The following PCLO variants were observed in gnomAD, a reference collection of about 807,000 sequenced individuals.
PCLO encodes protein piccolo.
In PCLO, 82 loss-of-function variants were observed where a neutral mutation model predicts 427.5. The observed-to-expected ratio is 0.19, with a 90% CI of 0.16 to 0.23. PCLO has a LOEUF of 0.23. PCLO is among the 10% of genes least tolerant of loss of function. The pLI is 1.00. For synonymous variants in PCLO, 2,357 were observed against 2,155.4 expected, an observed-to-expected ratio of 1.09 and a Z score of -2.59; for missense variants, 6,239 against 6,115.9, an observed-to-expected ratio of 1.02 and a Z score of -0.67.
At chr7:82,967,402 C>A (rs535151649) in intron 3 of PCLO, among the ~76,000 whole-genome samples, 1 of 151,680 alleles carries the variant, frequency 6.6e-6, no homozygotes, top group African/African-American at 2.4e-5. Flanking sequence ...CTTGAACTCC[C>A]GACCTCAGGT....
In PCLO at chr7:82,915,873, A is replaced by G. The variant is rs773850163; in HGVS notation, c.12113T>C (p.Ile4038Thr). The part of the protein sequence containing the change: ...SISADSFYAD[I>T]DHHTPRNYVL... ...ATAATTTCGTGGAGTATGGTGATCA[A>G]TATCTGCATAGAAAGAATCTGCAGA... Residue 4038 changes from isoleucine (I) to threonine (T), a missense_variant, in exon 7 of 25, where the codon ATT becomes ACT. Ile to Thr is a moderately conservative substitution (Grantham distance 89). Coordinates refer to ENST00000333891, the MANE Select transcript of PCLO (RefSeq NM_033026.6). 6 of 1,613,620 alleles carry G rather than the reference A, an allele frequency of 3.7e-6. No homozygotes were observed. Among genetic ancestry groups the G allele is most frequent in the South Asian group, 1.1e-5 (1 of 91,086 alleles).
Position 82,760,634 on chromosome 7 carries a change from G to C in PCLO, c.15288+5C>G. 6.4e-7 allele frequency: 1 copy of C among 1,574,048 alleles called. No individual in the cohort carries two copies. The highest frequency in any genetic ancestry group is 8.6e-7 in the Non-Finnish European group (1 of 1,161,976). On this transcript the variant is annotated splice_donor_5th_base_variant and intron_variant, in intron 24 of 24. Coordinates refer to ENST00000333891, the MANE Select transcript of PCLO (RefSeq NM_033026.6). ...TCAAATATGAACTACATAATACAGA[G>C]CTACCTGAAGAGAATGTCCTGCAGG...
chr7:82,853,920 G>T (rs1442000670), intron 10 of PCLO, among the ~76,000 whole-genome samples: 1 of 152,044 alleles, frequency 6.6e-6, no homozygotes, highest in East Asian at 1.9e-4. Flanking sequence ...CAAAACAGCT[G>T]CTTGTTTACA....
In PCLO at chr7:83,135,530, T is replaced by G. The variant is rs372535584; in HGVS notation, c.2020A>C (p.Lys674Gln). 2.5e-6 allele frequency: 4 copies of G among 1,613,804 alleles called. No homozygotes were observed. Among genetic ancestry groups the G allele is most frequent in the South Asian group, 1.1e-5 (1 of 91,070 alleles). The change falls in exon 3 of 25, where the codon AAA becomes CAA. Residue 674 changes from lysine (K) to glutamine (Q), a missense_variant. Transcript: ENST00000333891. ...GTCTGCTGTGGCTGTGGGGATGATT[T>G]GCTCACTGCTGATGTAGTGGTAACA... is the stretch of plus-strand genomic sequence containing the variant. ...APVTTTSAVS[K>Q]SSPQPQQTSP...
At chr7:83,139,131 T>C (rs578051569) in intron 2 of PCLO, among the ~76,000 whole-genome samples, 1 of 152,170 alleles carries the variant, frequency 6.6e-6, no homozygotes, top group South Asian at 2.1e-4. Context: ...CTTGATTAAA[T>C]AAAAATTTTA....
chr7:82,783,622 A>C (rs963621224), intron 22 of PCLO, among the ~76,000 whole-genome samples: 1 of 152,114 alleles, frequency 6.6e-6, no homozygotes, highest in Non-Finnish European at 1.5e-5. Flanking sequence ...ACTCGGTCTC[A>C]AAACCAACCA....
chr7:82,888,192 G>A (rs927042731), intron 9 of PCLO, among the ~76,000 whole-genome samples: 5 of 152,074 alleles, frequency 3.3e-5, no homozygotes, highest in African/African-American at 7.2e-5. Flanking sequence ...CCACTTGTAG[G>A]ATCTGTTTTG....
Position 82,916,467 on chromosome 7 carries a change from C to T in PCLO, c.11519G>A (p.Ser3840Asn). 6.2e-7 allele frequency: 1 copy of T among 1,613,752 alleles called. No individual in the cohort carries two copies. ...TTCTATTCGGGTTGGTCTTGTGCTA[C>T]TCACTTCACTGTCAGACATGTAATC... is the stretch of plus-strand genomic sequence containing the variant. ...DRDYMSDSEVSSTRPTRIESQ... is the reference protein window; with the variant it reads ...DRDYMSDSEVNSTRPTRIESQ... Residue 3840 changes from serine to asparagine, a missense_variant, in exon 7 of 25, where the codon AGT becomes AAT. Ser to Asn is a conservative substitution (Grantham distance 46, BLOSUM62 1). Transcript: ENST00000333891.
intron 2 of PCLO, among the ~76,000 whole-genome samples, chr7:83,149,558 T>C (rs1792078772): frequency 6.6e-6 from 1 of 152,192 alleles, no homozygotes; most frequent in Non-Finnish European, 1.5e-5. Context: ...AAAAAGTCTC[T>C]GTGCTAAAAA....
At chr7:83,080,606 T>C (rs1190954562) in intron 3 of PCLO, among the ~76,000 whole-genome samples, 1 of 152,162 alleles carries the variant, frequency 6.6e-6, no homozygotes, top group African/African-American at 2.4e-5. Context: ...CCCAATGTTG[T>C]GAACTCTAGC....
At chr7:82,774,407 A>G (rs376983404) in intron 22 of PCLO, among the ~76,000 whole-genome samples, 2 of 152,122 alleles carry the variant, frequency 1.3e-5, no homozygotes, top group Non-Finnish European at 2.9e-5. Context: ...TTCATTTTGC[A>G]CAAGTACCAG....
Position 82,916,783 on chromosome 7 carries a change from C to T in PCLO, c.11203G>A (p.Gly3735Arg). Reference protein sequence around the residue: ...PNPPPEEISTGTQSTFSTMGT... With the variant: ...PNPPPEEISTRTQSTFSTMGT... ...ATTGTGCTGAATGTGGATTGAGTTCCTGTGGAAATCTCCTCAGGAGGTGGA... is the reference window on the plus strand; with the variant it reads ...ATTGTGCTGAATGTGGATTGAGTTCTTGTGGAAATCTCCTCAGGAGGTGGA... Residue 3735 changes from glycine (G) to arginine (R), a missense_variant, in exon 7 of 25, where the codon GGA becomes AGA. Gly to Arg is a moderately radical substitution (Grantham distance 125). Transcript: ENST00000333891. The T allele has an allele frequency of 6.2e-7, 1 of 1,613,610 alleles. No individual in the cohort carries two copies. Among genetic ancestry groups the T allele is most frequent in the Non-Finnish European group, 8.5e-7 (1 of 1,179,688 alleles).
chr7:82,891,200 A>T (rs981983099), intron 9 of PCLO, among the ~76,000 whole-genome samples: 3 of 152,124 alleles, frequency 2.0e-5, no homozygotes, highest in Non-Finnish European at 4.4e-5. Context: ...TCCACTGATA[A>T]ATACAAGAAA....
intron 3 of PCLO, among the ~76,000 whole-genome samples, chr7:83,039,905 A>C (rs1788929465): frequency 6.6e-6 from 1 of 152,104 alleles, no homozygotes. Context: ...ATTTATTTTT[A>C]AGTATTTTGT....
chr7:83,006,140 A>C (rs1787940257), intron 3 of PCLO, among the ~76,000 whole-genome samples: 1 of 151,672 alleles, frequency 6.6e-6, no homozygotes, highest in South Asian at 2.1e-4. Context: ...AGCACCAGCA[A>C]CTTTTGATAG....
intron 3 of PCLO, among the ~76,000 whole-genome samples, chr7:82,973,508 G>A (rs953456393): frequency 1.3e-5 from 2 of 152,018 alleles, no homozygotes; most frequent in African/African-American, 4.8e-5. Flanking sequence ...CTGAATTGAA[G>A]AATATAAATA....
At chr7:83,143,426 C>T (rs1354155711) in intron 2 of PCLO, among the ~76,000 whole-genome samples, 1 of 152,132 alleles carries the variant, frequency 6.6e-6, no homozygotes, top group Non-Finnish European at 1.5e-5. Context: ...TAAAATAATA[C>T]ATCCAGAAAT....
chr7:82,880,491 G>T, intron 9 of PCLO: 1 of 289,594 alleles, frequency 3.5e-6, no homozygotes, highest in Non-Finnish European at 7.3e-6. Context: ...CAATCCTCCT[G>T]CCTCGGCCTC....
intron 3 of PCLO, among the ~76,000 whole-genome samples, chr7:83,021,332 G>A (rs2116058487): frequency 6.6e-6 from 1 of 152,242 alleles, no homozygotes; most frequent in East Asian, 1.9e-4. Context: ...TATGAACCTA[G>A]CGGTCCTACA....
Sources: gnomAD v4.1 joint callset for allele counts (sites outside exome capture counted in the v4.1 genomes callset) on GRCh38, gnomAD v4.1.1 for gene constraint, MANE v1.5 for transcripts, NCBI Gene and HGNC (gene_info 2026-07-23, HGNC 2026-07-21) for gene names.